The following SNTG2 variants were observed in gnomAD, a reference collection of about 807,000 sequenced individuals.
SNTG2 encodes the protein syntrophin gamma 2, also known as gamma-2-syntrophin.
SNTG2 carries 74 observed loss-of-function variants against 70.9 expected under a neutral mutation model. The observed-to-expected ratio is 1.04, with a 90% CI of 0.86 to 1.27. The LOEUF is 1.27. Ranked by LOEUF, SNTG2 falls within the 50% of genes most tolerant of loss-of-function variation. The pLI, the probability that SNTG2 is intolerant of heterozygous loss-of-function variation, is 0.00. For missense variants in SNTG2, 717 were observed against 690.7 expected (o/e 1.04, Z -0.43); for synonymous variants, 278 against 273.8 (o/e 1.02, Z -0.15).
chr2:1,055,783 C>T (rs372521270), intron 1 of SNTG2, among the ~76,000 whole-genome samples: 3 of 152,052 alleles, frequency 2.0e-5, no homozygotes, highest in East Asian at 3.9e-4. Context: ...CTAAGGTGAC[C>T]GTGCCTTTAT....
chr2:1,092,747 A>G (rs1442961728), intron 2 of SNTG2, among the ~76,000 whole-genome samples: 12 of 152,214 alleles, frequency 7.9e-5, no homozygotes, highest in East Asian at 1.9e-4. Flanking sequence ...AGAAATGTAT[A>G]ATTGATAAGT....
chr2:1,000,359 A>G (rs1661825533), intron 1 of SNTG2, among the ~76,000 whole-genome samples: 1 of 151,950 alleles, frequency 6.6e-6, no homozygotes, highest in Non-Finnish European at 1.5e-5. Flanking sequence ...CTTTGAAAGG[A>G]TAAATTAAAT....
At chr2:1,102,074 C>G (rs1387345567) in intron 4 of SNTG2, among the ~76,000 whole-genome samples, 1 of 152,194 alleles carries the variant, frequency 6.6e-6, no homozygotes, top group Non-Finnish European at 1.5e-5. Flanking sequence ...AGGCAGAATT[C>G]TTGCCATTGC....
chr2:1,332,657 A>T (rs1191235220), intron 16 of SNTG2, among the ~76,000 whole-genome samples: 2 of 152,208 alleles, frequency 1.3e-5, no homozygotes, highest in African/African-American at 4.8e-5. Flanking sequence ...GGTTTAACAT[A>T]CGTAAGTCAA....
At chr2:1,286,007 A>T (rs1230095076) in intron 14 of SNTG2, among the ~76,000 whole-genome samples, 2 of 152,302 alleles carry the variant, frequency 1.3e-5, no homozygotes, top group African/African-American at 2.4e-5. Flanking sequence ...CTCCAGGTCA[A>T]TCGCCCCAGC....
At chr2:1,125,195 G>A (rs1317360515) in intron 4 of SNTG2, among the ~76,000 whole-genome samples, 2 of 151,988 alleles carry the variant, frequency 1.3e-5, no homozygotes, top group South Asian at 2.1e-4. Context: ...ATTTTAATAC[G>A]CTAAATATTC....
At chr2:1,191,382 G>A (rs114909504) in intron 8 of SNTG2, among the ~76,000 whole-genome samples, 34 of 152,252 alleles carry the variant, frequency 2.2e-4, no homozygotes, top group Non-Finnish European at 4.0e-4. Flanking sequence ...TATCATCATT[G>A]TGCTTATCAA....
At chr2:1,279,477 G>A (rs530126638) in intron 14 of SNTG2, among the ~76,000 whole-genome samples, 3 of 152,202 alleles carry the variant, frequency 2.0e-5, no homozygotes, top group East Asian at 3.9e-4. Context: ...TAAGGGTCTC[G>A]GAATGTAACC....
intron 9 of SNTG2, among the ~76,000 whole-genome samples, chr2:1,221,447 CTGTCTCTCTCTG>C (rs1674820109): frequency 7.5e-6 from 1 of 132,580 alleles, no homozygotes; most frequent in African/African-American, 3.0e-5. Flanking sequence ...GTCTCTGTCT[CTGTCTCTCTCTG>C]TCTCTGTCTC....
intron 4 of SNTG2, among the ~76,000 whole-genome samples, chr2:1,131,574 A>G: frequency 6.6e-6 from 1 of 152,214 alleles, no homozygotes; most frequent in Non-Finnish European, 1.5e-5. Context: ...GAAAATGCAG[A>G]AACTCTCCTG....
chr2:999,577 TC>T (rs1661799474), intron 1 of SNTG2, among the ~76,000 whole-genome samples: 1 of 151,996 alleles, frequency 6.6e-6, no homozygotes, highest in Admixed American at 6.5e-5. Flanking sequence ...AGGTATCAAT[TC>T]CACAGGAAGC....
At chr2:993,646 C>G (rs2147980307) in intron 1 of SNTG2, among the ~76,000 whole-genome samples, 1 of 152,172 alleles carries the variant, frequency 6.6e-6, no homozygotes, top group Middle Eastern at 3.4e-3. Context: ...GACATCCCCA[C>G]CAGCAGTATA....
chr2:1,007,028 C>CAAATAAATAAAT (rs140776493), intron 1 of SNTG2, among the ~76,000 whole-genome samples: 103 of 61,424 alleles, frequency 1.7e-3, no homozygotes, highest in South Asian at 8.1e-3. Flanking sequence ...AACTCCATCT[C>CAAATAAATAAAT]AAATAAATAA....
chr2:1,155,282 A>T (rs376091993), intron 6 of SNTG2, among the ~76,000 whole-genome samples: 58 of 151,618 alleles, frequency 3.8e-4, no homozygotes, highest in African/African-American at 1.4e-3. Context: ...ACCCCACATA[A>T]CATACACATA....
chr2:1,101,752 T>TA (rs1283218621), intron 4 of SNTG2, among the ~76,000 whole-genome samples: 3 of 152,200 alleles, frequency 2.0e-5, no homozygotes, highest in Non-Finnish European at 1.5e-5. Context: ...CTACGGATGC[T>TA]AAGAGAAGCT....
intron 6 of SNTG2, among the ~76,000 whole-genome samples, chr2:1,147,077 A>T (rs555520667): frequency 6.4e-4 from 97 of 152,264 alleles, no homozygotes; most frequent in African/African-American, 2.3e-3. Context: ...ATAGCATTTG[A>T]GTTGGGGATT....
intron 9 of SNTG2, among the ~76,000 whole-genome samples, chr2:1,227,313 C>T (rs1675855871): frequency 6.6e-6 from 1 of 152,182 alleles, no homozygotes; most frequent in African/African-American, 2.4e-5. Flanking sequence ...GTGCACTTTC[C>T]AGGGTAGGAA....
At chr2:1,171,936 G>T (rs1208650711) in intron 7 of SNTG2, among the ~76,000 whole-genome samples, 6 of 152,178 alleles carry the variant, frequency 3.9e-5, no homozygotes, top group African/African-American at 1.4e-4. Context: ...AGCGAGGCTG[G>T]TGGTCACATT....
chr2:1,196,442 A>G (rs1236054909), intron 8 of SNTG2, among the ~76,000 whole-genome samples: 2 of 152,192 alleles, frequency 1.3e-5, no homozygotes, highest in African/African-American at 4.8e-5. Context: ...GAGCAAAGGC[A>G]TAGAAAACCT....
Sources: gnomAD v4.1 joint callset for allele counts (sites outside exome capture counted in the v4.1 genomes callset) on GRCh38, gnomAD v4.1.1 for gene constraint, MANE v1.5 for transcripts, NCBI Gene and HGNC (gene_info 2026-07-23, HGNC 2026-07-21) for gene names.